EVI5: variants seen among roughly 807,000 people sequenced by gnomAD.
The protein encoded by EVI5 is ecotropic viral integration site 5 protein homolog.
In EVI5, 73 loss-of-function variants were observed where a neutral mutation model predicts 112.0. That is an observed-to-expected ratio of 0.65 (90% CI 0.54 to 0.79). The LOEUF (loss-of-function observed/expected upper bound fraction) is 0.79, where lower values mean the gene tolerates loss of function less well. EVI5 is among the 30% of genes least tolerant of loss of function. EVI5 has a pLI of 0.00. For synonymous variants in EVI5, 305 were observed against 319.9 expected (o/e 0.95, Z 0.50); for missense variants, 900 against 968.8 (o/e 0.93, Z 0.94).
chr1:92,643,578 A>G (rs938716863), intron 13 of EVI5, among the ~76,000 whole-genome samples: 1 of 152,142 alleles, frequency 6.6e-6, no homozygotes, highest in African/African-American at 2.4e-5. Flanking sequence ...CTGGCCTTCA[A>G]TCATTTTTGA....
chr1:92,661,239 A>C (rs1663953219), intron 13 of EVI5, among the ~76,000 whole-genome samples: 1 of 152,084 alleles, frequency 6.6e-6, no homozygotes, highest in African/African-American at 2.4e-5. Context: ...ACTTTGAAGA[A>C]TTCATAAAGT....
At chr1:92,610,327 C>T (rs757618283) in intron 16 of EVI5, among the ~76,000 whole-genome samples, 4 of 152,184 alleles carry the variant, frequency 2.6e-5, no homozygotes, top group Non-Finnish European at 5.9e-5. Context: ...TCAGAGGGAC[C>T]CATCTTTGAC....
intron 1 of EVI5, among the ~76,000 whole-genome samples, chr1:92,772,692 CAGG>C (rs1346453717): frequency 6.6e-6 from 1 of 151,632 alleles, no homozygotes. Flanking sequence ...CACCTGAGGA[CAGG>C]AGGAGTTCAA....
At chr1:92,751,494 A>G (rs1303214901) in intron 1 of EVI5, among the ~76,000 whole-genome samples, 2 of 152,128 alleles carry the variant, frequency 1.3e-5, no homozygotes, top group Non-Finnish European at 2.9e-5. Flanking sequence ...CTGGTACACA[A>G]CTGTGATCCC....
At chr1:92,664,750 T>C (rs1359922775) in intron 11 of EVI5, among the ~76,000 whole-genome samples, 1 of 152,212 alleles carries the variant, frequency 6.6e-6, no homozygotes, top group East Asian at 1.9e-4. Context: ...TTCTATTTAA[T>C]ATGAAATCAT....
chr1:92,783,657 C>T (rs1441482401), intron 1 of EVI5, among the ~76,000 whole-genome samples: 1 of 150,160 alleles, frequency 6.7e-6, no homozygotes. Flanking sequence ...ACTAAAAATA[C>T]AAAAATTAGC....
chr1:92,735,037 A>G (rs1677106937), intron 2 of EVI5, among the ~76,000 whole-genome samples: 1 of 152,240 alleles, frequency 6.6e-6, no homozygotes, highest in Non-Finnish European at 1.5e-5. Flanking sequence ...CGGGATATCA[A>G]AAATACAGGC....
chr1:92,580,767 G>C (rs1671814266), intron 18 of EVI5: 1 of 156,258 alleles, frequency 6.4e-6, no homozygotes, highest in East Asian at 1.9e-4. Context: ...CCAGGGCTTT[G>C]ATGTCTGGGG....
chr1:92,764,469 T>C (rs1321033797), intron 1 of EVI5, among the ~76,000 whole-genome samples: 1 of 152,144 alleles, frequency 6.6e-6, no homozygotes, highest in African/African-American at 2.4e-5. Context: ...CACTTAAACT[T>C]CCTCTCCCTG....
chr1:92,571,566 C>A lies in EVI5; in HGVS notation c.2071-7829G>T, dbSNP rs749118274. 3.9e-5 allele frequency among the ~76,000 whole-genome samples: 6 copies of A among 152,058 alleles called. No individual in the cohort carries two copies. In the East Asian group the frequency reaches 9.6e-4, roughly 24 times the overall value. ...TGTTAATTCAAAGCCTTTTAGGATC[C>A]TCTTTAAAAGTTAAAACAGGGTAAC... On this transcript the variant is annotated intron_variant, in intron 18 of 19. Transcript: ENST00000684568.
At chr1:92,585,375 C>T (rs1419136535) in intron 18 of EVI5, among the ~76,000 whole-genome samples, 1 of 152,032 alleles carries the variant, frequency 6.6e-6, no homozygotes, top group Non-Finnish European at 1.5e-5. Context: ...GCCTGTATTG[C>T]TAGCTACTAG....
intron 13 of EVI5, among the ~76,000 whole-genome samples, chr1:92,651,837 C>T (rs1450343436): frequency 1.6e-5 from 2 of 122,814 alleles, no homozygotes; most frequent in Non-Finnish European, 3.3e-5. Flanking sequence ...GGCGACAGAG[C>T]GAGACTCCGT....
intron 13 of EVI5, among the ~76,000 whole-genome samples, chr1:92,643,717 G>GT (rs1660422993): frequency 6.6e-6 from 1 of 152,142 alleles, no homozygotes. Context: ...CTCAAAATTA[G>GT]TTAAAAATAA....
intron 10 of EVI5, among the ~76,000 whole-genome samples, chr1:92,676,778 G>A (rs1390507275): frequency 6.6e-6 from 1 of 152,126 alleles, no homozygotes; most frequent in African/African-American, 2.4e-5. Context: ...ATTAGTTCTA[G>A]TGTAATATAT....
intron 9 of EVI5, among the ~76,000 whole-genome samples, chr1:92,691,515 A>C (rs1230995830): frequency 1.3e-5 from 2 of 152,206 alleles, no homozygotes; most frequent in South Asian, 4.1e-4. Context: ...TCTGTAGCTA[A>C]TGAGTAAAAT....
chr1:92,579,125 G>C (rs1166629350), intron 18 of EVI5, among the ~76,000 whole-genome samples: 1 of 152,246 alleles, frequency 6.6e-6, no homozygotes, highest in African/African-American at 2.4e-5. Context: ...CTTTTCTTGA[G>C]CCCTCTGTAA....
intron 19 of EVI5, among the ~76,000 whole-genome samples, chr1:92,538,714 A>C (rs1664287325): frequency 6.6e-6 from 1 of 152,226 alleles, no homozygotes; most frequent in Non-Finnish European, 1.5e-5. Flanking sequence ...ACTGGCTAGA[A>C]GGGAGAATTC....
intron 2 of EVI5, among the ~76,000 whole-genome samples, chr1:92,727,461 AG>A (rs1675748918): frequency 2.6e-5 from 4 of 152,148 alleles, no homozygotes. Context: ...GGATGCTTTA[AG>A]GTATTTCAAC....
chr1:92,561,646 TATCTATCTATCTATCTATCA>T (rs1274176358), intron 19 of EVI5, among the ~76,000 whole-genome samples: 17 of 149,600 alleles, frequency 1.1e-4, no homozygotes, highest in South Asian at 4.2e-4. Context: ...TCTATCTATC[TATCTATCTATCTATCTATCA>T]GAGTCTCACT....
Sources: allele counts gnomAD v4.1 joint callset (sites outside exome capture counted in the v4.1 genomes callset), GRCh38; gene constraint gnomAD v4.1.1; transcripts MANE v1.5; gene names NCBI Gene and HGNC (gene_info 2026-07-23, HGNC 2026-07-21).